The following ADAMTS9 variants were observed in gnomAD, a reference collection of about 807,000 sequenced individuals.
ADAMTS9 encodes the protein A disintegrin and metalloproteinase with thrombospondin motifs 9.
Under a neutral mutation model 257.1 loss-of-function variants are expected in ADAMTS9, and 107 were observed. The ratio of observed to expected loss-of-function variants is 0.42; its 90% CI spans 0.36 to 0.49. The LOEUF (loss-of-function observed/expected upper bound fraction) is 0.49. ADAMTS9 is among the 20% of genes least tolerant of loss of function. ADAMTS9 has a pLI of 0.03. For synonymous variants in ADAMTS9, 982 were observed against 880.9 expected (o/e 1.11, Z -2.03); for missense variants, 2,353 against 2,469.1 (o/e 0.95, Z 1.00).
chr3:64,560,739 T>C (rs549617329), intron 30 of ADAMTS9, among the ~76,000 whole-genome samples: 1 of 152,304 alleles, frequency 6.6e-6, no homozygotes, highest in East Asian at 1.9e-4. Flanking sequence ...AACCATACCC[T>C]TTCTTTATGT....
intron 32 of ADAMTS9, among the ~76,000 whole-genome samples, chr3:64,543,361 A>G (rs1159825141): frequency 1.3e-5 from 2 of 152,206 alleles, no homozygotes; most frequent in Admixed American, 6.5e-5. Flanking sequence ...CGATGCAAAA[A>G]TCCTTCATAA....
intron 16 of ADAMTS9, among the ~76,000 whole-genome samples, chr3:64,631,208 T>C (rs913733899): frequency 9.2e-5 from 14 of 152,234 alleles, no homozygotes; most frequent in African/African-American, 2.9e-4. Context: ...TTGGGGCCTT[T>C]CTATTTTTTA....
intron 3 of ADAMTS9, among the ~76,000 whole-genome samples, chr3:64,680,897 A>G (rs1223938755): frequency 6.6e-6 from 1 of 152,212 alleles, no homozygotes; most frequent in African/African-American, 2.4e-5. Context: ...CTCAAGGTTA[A>G]GCCTAAAAAT....
intron 28 of ADAMTS9, among the ~76,000 whole-genome samples, chr3:64,593,106 A>T (rs1351880580): frequency 6.6e-6 from 1 of 152,188 alleles, no homozygotes; most frequent in African/African-American, 2.4e-5. Context: ...GCGTTTCTTA[A>T]GTTCTGGAAG....
chr3:64,518,430 G>T (rs917111517), intron 39 of ADAMTS9, among the ~76,000 whole-genome samples: 1 of 152,132 alleles, frequency 6.6e-6, no homozygotes, highest in Non-Finnish European at 1.5e-5. Context: ...ATTCCTTGCA[G>T]CTGAAGACAT....
chr3:64,674,048 A>C (rs1701561283), intron 3 of ADAMTS9, among the ~76,000 whole-genome samples: 1 of 151,908 alleles, frequency 6.6e-6, no homozygotes, highest in Non-Finnish European at 1.5e-5. Context: ...CTTTTTTACT[A>C]CCTCTTAATG....
chr3:64,546,759 C>T lies in ADAMTS9; in HGVS notation c.5063G>A (p.Ser1688Asn), dbSNP rs2083204712. 1 of 1,596,962 alleles carries T rather than the reference C, an allele frequency of 6.3e-7. No homozygotes were observed. The highest frequency in any genetic ancestry group is 8.5e-7 in the Non-Finnish European group (1 of 1,172,606). ...SATWRVGNWG[S>N]CSVSCGVGVM... is the part of the protein sequence containing the mutation. ...TTGAGTGCTCAGTCTTCTACTTACG[C>T]TCCCCCAGTTGCCAACTCTCCAGGT... Residue 1688 changes from serine (S) to asparagine (N), a missense_variant and splice_region_variant, in exon 32 of 40, where the codon AGC becomes AAC. Transcript: ENST00000498707.
At position 64,551,010 on chromosome 3, in the gene ADAMTS9, T is replaced by A; in HGVS notation, c.4751A>T (p.Asp1584Val). 1.2e-6 allele frequency: 2 copies of A among 1,614,162 alleles called. No homozygotes were observed. The highest frequency in any genetic ancestry group is 8.5e-7 in the Non-Finnish European group (1 of 1,180,020). The change falls in exon 31 of 40, where the codon GAT becomes GTT. Residue 1584 changes from aspartate (D) to valine (V), a missense_variant. By Grantham distance (152) the Asp-to-Val change is radical. This residue lies in a region of ADAMTS9 where 1,402 missense variants were observed against 1,441.4 expected (regional missense o/e 0.97). Transcript: ENST00000498707. The stretch of plus-strand genomic sequence containing the variant: ...CCCATGCACCTCGTTTTTGTTGTCA[T>A]CCACACACACCACCTTGCGGTACCT... The part of the protein sequence containing the change: ...GSRYRKVVCV[D>V]DNKNEVHGAR...
At chr3:64,677,093 TAA>T (rs1553716913) in intron 3 of ADAMTS9, among the ~76,000 whole-genome samples, 1 of 152,138 alleles carries the variant, frequency 6.6e-6, no homozygotes, top group Non-Finnish European at 1.5e-5. Context: ...AAGTGGCTTA[TAA>T]AAGCAAGCCA....
At position 64,594,393 on chromosome 3, in the gene ADAMTS9, C is replaced by A; in HGVS notation, c.4221G>T (p.Val1407=). The A allele has an allele frequency of 6.2e-7, 1 of 1,614,070 alleles. No individual in the cohort carries two copies. The highest frequency in any genetic ancestry group is 1.1e-5 in the South Asian group (1 of 91,082). ...LCGGGIRTRL[V]VCQRSNGERF... ...GTTCACCGTTGGACCGCTGACAGACCACCAGTCTTGTTCTTATGCCTCCAC... is the reference window on the plus strand; with the variant it reads ...GTTCACCGTTGGACCGCTGACAGACAACCAGTCTTGTTCTTATGCCTCCAC... The change falls in exon 28 of 40, where the codon GTG becomes GTT. Residue 1407 remains valine, a synonymous_variant. Transcript: ENST00000498707.
chr3:64,566,969 G>A (rs1049012743), intron 29 of ADAMTS9, among the ~76,000 whole-genome samples: 4 of 152,072 alleles, frequency 2.6e-5, no homozygotes, highest in Non-Finnish European at 4.4e-5. Context: ...CCGAAGGAAG[G>A]CAAAGGAGGA....
chr3:64,584,698 C>T (rs1411084772), intron 28 of ADAMTS9, among the ~76,000 whole-genome samples: 1 of 152,032 alleles, frequency 6.6e-6, no homozygotes, highest in Non-Finnish European at 1.5e-5. Context: ...AAAGATCTCC[C>T]TTATCCCCTC....
intron 3 of ADAMTS9, among the ~76,000 whole-genome samples, chr3:64,661,215 ATTC>A (rs1701212218): frequency 6.6e-6 from 1 of 152,176 alleles, no homozygotes; most frequent in Non-Finnish European, 1.5e-5. Flanking sequence ...GTAACATTAG[ATTC>A]TTCTTCTAGT....
chr3:64,535,616 T>C (rs931024794), intron 37 of ADAMTS9, among the ~76,000 whole-genome samples: 5 of 146,092 alleles, frequency 3.4e-5, no homozygotes, highest in African/African-American at 1.3e-4. Context: ...TGCAGTCGCA[T>C]AATTTTGGCT....
At chr3:64,668,365 G>A (rs1425926692) in intron 3 of ADAMTS9, among the ~76,000 whole-genome samples, 1 of 152,124 alleles carries the variant, frequency 6.6e-6, no homozygotes, top group Non-Finnish European at 1.5e-5. Context: ...CCTGGTGACC[G>A]TATAGGATGG....
chr3:64,646,559 T>C (rs1348712918), intron 11 of ADAMTS9, among the ~76,000 whole-genome samples: 3 of 152,226 alleles, frequency 2.0e-5, no homozygotes, highest in Non-Finnish European at 4.4e-5. Flanking sequence ...TAGGTTGCTA[T>C]TGAGGAAAGC....
chr3:64,533,172 C>G lies in ADAMTS9; in HGVS notation c.5712G>C (p.Lys1904Asn). ...CCCATCTGTAGAACCTTACCGGCGA[C>G]TTCTTGATGTCAGAGACAGCATAAT... The part of the protein sequence containing the change: ...QGNYAVSDIK[K>N]SPDGTRVVGK... The change falls in exon 38 of 40, where the codon AAG becomes AAC. Residue 1904 changes from lysine to asparagine, a missense_variant. Physicochemically the swap from Lys to Asn is moderately conservative, Grantham distance 94. Transcript: ENST00000498707. The G allele has an allele frequency of 1.9e-6, 3 of 1,612,812 alleles. No individual in the cohort carries two copies. Among genetic ancestry groups the G allele is most frequent in the African/African-American group, 2.7e-5 (2 of 75,012 alleles).
intron 28 of ADAMTS9, among the ~76,000 whole-genome samples, chr3:64,581,763 A>G (rs1239020146): frequency 1.3e-5 from 2 of 152,226 alleles, no homozygotes; most frequent in African/African-American, 4.8e-5. Flanking sequence ...GATCTCTTCC[A>G]CATTGGGCAC....
intron 38 of ADAMTS9, among the ~76,000 whole-genome samples, chr3:64,527,316 A>G (rs75768377): frequency 0.015 from 2,223 of 152,298 alleles, 52 homozygotes; most frequent in African/African-American, 0.048. Context: ...TTTGTATTTC[A>G]TACTTTTCAC....
Sources: allele counts gnomAD v4.1 joint callset (sites outside exome capture counted in the v4.1 genomes callset), GRCh38; gene constraint gnomAD v4.1.1; regional missense constraint gnomAD v4.1.1; transcripts MANE v1.5; gene names NCBI Gene and HGNC (gene_info 2026-07-23, HGNC 2026-07-21).